Variants in PTPRT observed in about 807,000 individuals in gnomAD.
PTPRT encodes receptor-type tyrosine-protein phosphatase T.
PTPRT carries 56 observed loss-of-function variants against 176.8 expected under a neutral mutation model. The observed-to-expected ratio is 0.32, with a 90% CI of 0.26 to 0.40. PTPRT has a LOEUF of 0.40. Ranked by LOEUF, PTPRT falls within the 10% of genes least tolerant of loss-of-function variation. The probability of loss-of-function intolerance (pLI) is 1.00; values close to 1 mark genes in which losing one functional copy is unlikely to be tolerated. For missense variants in PTPRT, 1,540 were observed against 1,908.2 expected, an observed-to-expected ratio of 0.81 and a Z score of 3.60; for synonymous variants, 783 against 739.0, an observed-to-expected ratio of 1.06 and a Z score of -0.96.
chr20:42,992,212 C>T (rs951774149), intron 1 of PTPRT, among the ~76,000 whole-genome samples: 3 of 152,154 alleles, frequency 2.0e-5, no homozygotes, highest in Non-Finnish European at 1.5e-5. Context: ...TTGTGTGCTA[C>T]ATCAAGAATG....
chr20:42,279,468 G>A (rs991083038), intron 13 of PTPRT, among the ~76,000 whole-genome samples: 5 of 152,198 alleles, frequency 3.3e-5, no homozygotes, highest in Non-Finnish European at 7.4e-5. Flanking sequence ...ACACTCAGAA[G>A]GAACAAGGTC....
intron 9 of PTPRT, among the ~76,000 whole-genome samples, chr20:42,439,303 C>G (rs1378373212): frequency 3.3e-5 from 5 of 152,164 alleles, no homozygotes; most frequent in African/African-American, 1.2e-4. Flanking sequence ...CACAACAGGA[C>G]TGACTTCCAC....
chr20:42,345,230 T>C (rs958493514), intron 11 of PTPRT, among the ~76,000 whole-genome samples: 1 of 152,028 alleles, frequency 6.6e-6, no homozygotes, highest in Non-Finnish European at 1.5e-5. Context: ...GTACTAGCCA[T>C]ATATCTGGTG....
At chr20:43,145,256 CTTAT>C (rs1304826961) in intron 1 of PTPRT, among the ~76,000 whole-genome samples, 1 of 152,186 alleles carries the variant, frequency 6.6e-6, no homozygotes, top group African/African-American at 2.4e-5. Context: ...TATTTATTTA[CTTAT>C]TTCTTTATTT....
At chr20:43,010,353 C>G (rs1985053501) in intron 1 of PTPRT, among the ~76,000 whole-genome samples, 2 of 152,282 alleles carry the variant, frequency 1.3e-5, no homozygotes, top group South Asian at 4.1e-4. Flanking sequence ...CCAGCAGTAT[C>G]TCCTTCCTCA....
chr20:42,701,832 T>C (rs1157621673), intron 6 of PTPRT, among the ~76,000 whole-genome samples: 2 of 152,118 alleles, frequency 1.3e-5, no homozygotes, highest in Non-Finnish European at 2.9e-5. Flanking sequence ...CAGTGCTCCA[T>C]ACCTTGGAGG....
At chr20:42,390,810 T>C (rs1481191766) in intron 9 of PTPRT, among the ~76,000 whole-genome samples, 3 of 152,226 alleles carry the variant, frequency 2.0e-5, no homozygotes, top group African/African-American at 7.2e-5. Flanking sequence ...CTGTTTAAGA[T>C]AATAAATATC....
rs549441249 is a variant in PTPRT at position 42,107,314 on chromosome 20, A to C, written c.3255-393T>G. Among the ~76,000 whole-genome samples the C allele has an allele frequency of 2.0e-5, 3 of 152,280 alleles. No homozygotes were observed. In the South Asian group the frequency reaches 6.2e-4, roughly 32 times the overall value. On this transcript the variant is annotated intron_variant, in intron 23 of 30. Transcript: ENST00000373187. ...AGGGGAGATGAATGACAGGACAGAA[A>C]CGAGAGTCCTCTGAGCTGTCCCCAA...
At chr20:42,284,823 GTAGA>G (rs2057201883) in intron 12 of PTPRT, among the ~76,000 whole-genome samples, 1 of 151,838 alleles carries the variant, frequency 6.6e-6, no homozygotes, top group Non-Finnish European at 1.5e-5. Context: ...ATTTTATAAA[GTAGA>G]TAATTTGGAA....
intron 28 of PTPRT, among the ~76,000 whole-genome samples, chr20:42,085,231 C>T (rs771370420): frequency 6.6e-6 from 1 of 152,178 alleles, no homozygotes; most frequent in South Asian, 2.1e-4. Context: ...GTGCTGAGCT[C>T]CTTTCATCCT....
intron 7 of PTPRT, among the ~76,000 whole-genome samples, chr20:42,520,757 A>G (rs1202753040): frequency 6.6e-6 from 1 of 151,752 alleles, no homozygotes; most frequent in Non-Finnish European, 1.5e-5. Flanking sequence ...TGTTACTAGG[A>G]TATCATTCTT....
the PTPRT span, among the ~76,000 whole-genome samples, chr20:42,034,944 C>G: frequency 6.6e-6 from 1 of 152,144 alleles, no homozygotes; most frequent in Non-Finnish European, 1.5e-5. Flanking sequence ...AGTCAGAGCT[C>G]TAGGACCCTG....
intron 2 of PTPRT, among the ~76,000 whole-genome samples, chr20:42,845,310 T>C (rs188157821): frequency 6.6e-6 from 1 of 152,086 alleles, no homozygotes; most frequent in East Asian, 1.9e-4. Context: ...GGATCTCAAC[T>C]GCCTTCTCTG....
intron 12 of PTPRT, among the ~76,000 whole-genome samples, chr20:42,306,877 C>G (rs954184214): frequency 6.6e-6 from 1 of 152,128 alleles, no homozygotes; most frequent in Non-Finnish European, 1.5e-5. Context: ...ATTCCAGGAG[C>G]CTCTAGGTGT....
chr20:43,050,441 C>CA (rs929664758), intron 1 of PTPRT, among the ~76,000 whole-genome samples: 6 of 152,224 alleles, frequency 3.9e-5, no homozygotes, highest in African/African-American at 1.4e-4. Flanking sequence ...CACGGCCACC[C>CA]AGGCAGGGCG....
chr20:42,672,294 C>G (rs1212636792), intron 7 of PTPRT, among the ~76,000 whole-genome samples: 1 of 152,190 alleles, frequency 6.6e-6, no homozygotes, highest in Non-Finnish European at 1.5e-5. Flanking sequence ...GCTTAGTCTA[C>G]TGGCCTACAT....
intron 12 of PTPRT, among the ~76,000 whole-genome samples, chr20:42,309,574 T>C (rs2057596090): frequency 6.6e-6 from 1 of 152,226 alleles, no homozygotes; most frequent in South Asian, 2.1e-4. Flanking sequence ...ATTCAGACTG[T>C]ACTGACACCT....
intron 6 of PTPRT, among the ~76,000 whole-genome samples, chr20:42,727,108 T>C (rs752180501): frequency 6.6e-6 from 1 of 152,188 alleles, no homozygotes; most frequent in Non-Finnish European, 1.5e-5. Flanking sequence ...AAGACTGCCC[T>C]GCTGCTGACA....
chr20:42,369,678 A>G (rs889000603), intron 9 of PTPRT, among the ~76,000 whole-genome samples: 1 of 152,168 alleles, frequency 6.6e-6, no homozygotes, highest in Non-Finnish European at 1.5e-5. Context: ...ACACCCAAAC[A>G]AAGAGAAAAG....
Sources: allele counts gnomAD v4.1 joint callset (sites outside exome capture counted in the v4.1 genomes callset), GRCh38; gene constraint gnomAD v4.1.1; transcripts MANE v1.5; gene names NCBI Gene and HGNC (gene_info 2026-07-23, HGNC 2026-07-21).